Variants in SLC16A12 observed in about 807,000 individuals in gnomAD.
SLC16A12 encodes the protein monocarboxylate transporter 12.
SLC16A12 carries 17 observed loss-of-function variants against 42.4 expected under a neutral mutation model. That is an observed-to-expected ratio of 0.40 (90% CI 0.27 to 0.60). The LOEUF is 0.60. Ranked by LOEUF, SLC16A12 falls within the 20% of genes least tolerant of loss-of-function variation. SLC16A12 has a pLI of 0.42. For missense variants in SLC16A12, 544 were observed against 623.0 expected (o/e 0.87, Z 1.35); for synonymous variants, 224 against 229.4 (o/e 0.98, Z 0.21).
At chr10:89,495,357 A>AAAACAAAC (rs529791347) in intron 2 of SLC16A12, among the ~76,000 whole-genome samples, 1 of 152,102 alleles carries the variant, frequency 6.6e-6, no homozygotes, top group Non-Finnish European at 1.5e-5. Context: ...CGTCTCTCAA[A>AAAACAAAC]AAACAAACAA....
intron 2 of SLC16A12, among the ~76,000 whole-genome samples, chr10:89,487,809 C>A (rs1368127651): frequency 3.0e-3 from 253 of 84,648 alleles, no homozygotes; most frequent in Admixed American, 4.0e-3. Context: ...GATTCTGTCT[C>A]AAAAAAAAAA....
At chr10:89,454,837 C>T (rs558233755) in intron 3 of SLC16A12, among the ~76,000 whole-genome samples, 6 of 152,206 alleles carry the variant, frequency 3.9e-5, no homozygotes, top group African/African-American at 1.4e-4. Flanking sequence ...ATATTCTTCA[C>T]TAGACTGTTA....
chr10:89,487,940 G>A (rs1842784378), intron 2 of SLC16A12, among the ~76,000 whole-genome samples: 1 of 134,998 alleles, frequency 7.4e-6, no homozygotes. Context: ...ACAGATGATT[G>A]GATAAAGAAA....
At chr10:89,521,223 G>A (rs1364720370) in intron 2 of SLC16A12, among the ~76,000 whole-genome samples, 1 of 152,150 alleles carries the variant, frequency 6.6e-6, no homozygotes, top group African/African-American at 2.4e-5. Flanking sequence ...CATTGTAGCT[G>A]ATCCCATTGT....
intron 1 of SLC16A12, among the ~76,000 whole-genome samples, chr10:89,535,004 G>T (rs2133876750): frequency 6.6e-6 from 1 of 152,210 alleles, no homozygotes; most frequent in East Asian, 1.9e-4. Flanking sequence ...CTGAGAAATT[G>T]AGTTCAATCC....
At chr10:89,448,341 T>A (rs962673578) in intron 3 of SLC16A12, among the ~76,000 whole-genome samples, 6 of 152,170 alleles carry the variant, frequency 3.9e-5, no homozygotes, top group African/African-American at 1.4e-4. Flanking sequence ...ATATCCCTGA[T>A]GAACATTGAT....
intron 2 of SLC16A12, among the ~76,000 whole-genome samples, chr10:89,509,600 AAG>A (rs1285260848): frequency 6.6e-5 from 10 of 152,234 alleles, no homozygotes; most frequent in African/African-American, 2.4e-4. Flanking sequence ...TCAAAATAAT[AAG>A]AGCTATTTAT....
intron 2 of SLC16A12, among the ~76,000 whole-genome samples, chr10:89,540,963 C>T (rs1045941429): frequency 7.3e-5 from 11 of 151,034 alleles, no homozygotes; most frequent in Non-Finnish European, 7.4e-5. Flanking sequence ...ACTCTATTGC[C>T]CAGGCTGGAG....
chr10:89,436,804 G>GAGGCAGGAAGGAAGGAAGGAAGGA (rs1841793562), intron 6 of SLC16A12, among the ~76,000 whole-genome samples: 1 of 131,376 alleles, frequency 7.6e-6, no homozygotes, highest in Non-Finnish European at 1.5e-5. Flanking sequence ...GAAAGGAAAG[G>GAGGCAGGAAGGAAGGAAGGAAGGA]AGGAAGGAAG....
chr10:89,553,346 C>G (rs900213780), intron 2 of SLC16A12, among the ~76,000 whole-genome samples: 1 of 152,088 alleles, frequency 6.6e-6, no homozygotes, highest in African/African-American at 2.4e-5. Flanking sequence ...CTCATTAGCC[C>G]CTCTCTGACA....
At chr10:89,549,043 C>G (rs1022055264) in intron 2 of SLC16A12, among the ~76,000 whole-genome samples, 2 of 152,184 alleles carry the variant, frequency 1.3e-5, no homozygotes, top group African/African-American at 4.8e-5. Flanking sequence ...GGACTGTCAC[C>G]TGCTAACAAC....
chr10:89,479,214 C>T (rs1402746929), intron 2 of SLC16A12, among the ~76,000 whole-genome samples: 1 of 152,114 alleles, frequency 6.6e-6, no homozygotes, highest in Non-Finnish European at 1.5e-5. Flanking sequence ...ACTCCTGGCT[C>T]TTCTCCTTCT....
At chr10:89,442,764 A>G (rs542506803) in intron 4 of SLC16A12, among the ~76,000 whole-genome samples, 2 of 152,364 alleles carry the variant, frequency 1.3e-5, no homozygotes, top group East Asian at 3.8e-4. Flanking sequence ...ACATTTCAGT[A>G]CAATTTAACT....
At position 89,439,061 on chromosome 10, in the gene SLC16A12, C is replaced by A. The variant is rs769496956; in HGVS notation, c.571G>T (p.Ala191Ser). ...SGSGIGTFIL[A>S]PVVQLLIEQF... ...TCAATAAGGAGCTGAACCACAGGAG[C>A]CAGGATGAAGGTGCCAATGCCACTT... The change falls in exon 6 of 8, where the codon GCT (alanine) becomes TCT (serine). Residue 191 changes from alanine to serine, a missense_variant. Ala to Ser is a moderately conservative substitution (Grantham distance 99). Transcript: ENST00000371790. 1 of 1,613,482 alleles carries A rather than the reference C, an allele frequency of 6.2e-7. No individual in the cohort carries two copies. Among genetic ancestry groups the A allele is most frequent in the Non-Finnish European group, 8.5e-7 (1 of 1,179,680 alleles).
rs577918147 is a variant in SLC16A12, at chr10:89,450,055, A to G, written c.201-6196T>C. On this transcript the variant is annotated intron_variant, in intron 3 of 7. Coordinates refer to ENST00000371790, the MANE Select transcript of SLC16A12 (RefSeq NM_213606.4). ...CAGAGAAATGCAAATCAAAACCACAATGAGATACCATCTCACACCAGTTAG... is the reference window on the plus strand; with the variant it reads ...CAGAGAAATGCAAATCAAAACCACAGTGAGATACCATCTCACACCAGTTAG... 2.6e-3 allele frequency among the ~76,000 whole-genome samples: 398 copies of G among 152,346 alleles called. 2 individuals carry two copies. The highest frequency in any genetic ancestry group is 9.3e-3 in the African/African-American group (385 of 41,578).
chr10:89,555,444 T>C (rs1255204161), intron 2 of SLC16A12, among the ~76,000 whole-genome samples: 1 of 150,006 alleles, frequency 6.7e-6, no homozygotes, highest in Non-Finnish European at 1.5e-5. Context: ...GGGTTTCATG[T>C]TTATTTCTAC....
intron 2 of SLC16A12, among the ~76,000 whole-genome samples, chr10:89,492,606 T>G (rs577028700): frequency 9.9e-5 from 15 of 152,146 alleles, no homozygotes; most frequent in African/African-American, 3.6e-4. Context: ...TAGTCTCTAC[T>G]AAAAACACAA....
In SLC16A12 at chr10:89,485,438, C is replaced by A. The variant is rs115939535; in HGVS notation, c.-46-22814G>T. 6.3e-3 allele frequency among the ~76,000 whole-genome samples: 966 copies of A among 152,352 alleles called. 13 individuals carry two copies. Among genetic ancestry groups the A allele is most frequent in the African/African-American group, 0.022 (906 of 41,582 alleles). On this transcript the variant is annotated intron_variant, in intron 2 of 7. Transcript: ENST00000371790. ...TCCTGAACTCAGCTGCTTATGACAT[C>A]TAACGGCTCATCCTGCTCCAGGTGC...
chr10:89,481,709 CA>C (rs999264700), intron 2 of SLC16A12, among the ~76,000 whole-genome samples: 35 of 133,774 alleles, frequency 2.6e-4, no homozygotes, highest in African/African-American at 8.4e-4. Flanking sequence ...GTGTGTAAAA[CA>C]AAAAAAAATG....
Sources: allele counts gnomAD v4.1 joint callset (sites outside exome capture counted in the v4.1 genomes callset), GRCh38; gene constraint gnomAD v4.1.1; transcripts MANE v1.5; gene names NCBI Gene and HGNC (gene_info 2026-07-23, HGNC 2026-07-21).